Variants in TEKT5 observed in about 807,000 individuals in gnomAD.
TEKT5 encodes tektin-5.
Under a neutral mutation model 48.7 loss-of-function variants are expected in TEKT5, and 52 were observed. That is an observed-to-expected ratio of 1.07 (90% confidence interval 0.86 to 1.35). The LOEUF (loss-of-function observed/expected upper bound fraction) is 1.35, where lower values mean the gene tolerates loss of function less well. Ranked by LOEUF, TEKT5 falls within the 40% of genes most tolerant of loss-of-function variation. The pLI, the probability that TEKT5 is intolerant of heterozygous loss-of-function variation, is 0.00. For missense variants in TEKT5, 831 were observed against 641.6 expected, an observed-to-expected ratio of 1.30 and a Z score of -3.19; for synonymous variants, 318 against 267.6, an observed-to-expected ratio of 1.19 and a Z score of -1.84.
intron 6 of TEKT5, among the ~76,000 whole-genome samples, chr16:10,629,020 C>G (rs899432559): frequency 6.6e-6 from 1 of 152,086 alleles, no homozygotes; most frequent in East Asian, 1.9e-4. Context: ...TATTGCGTGA[C>G]TGCATGCACA....
At position 10,682,100 on chromosome 16, in the gene TEKT5, G is replaced by A. The variant is rs1898765352; in HGVS notation, c.756C>T (p.Asp252=). 4 of 1,614,138 alleles carry A rather than the reference G, an allele frequency of 2.5e-6. No homozygotes were observed. Among genetic ancestry groups the A allele is most frequent in the South Asian group, 1.1e-5 (1 of 91,088 alleles). The change falls in exon 4 of 7, where the codon GAC becomes GAT. Residue 252 remains aspartate, a synonymous_variant. Coordinates refer to ENST00000283025, the MANE Select transcript of TEKT5 (RefSeq NM_144674.2). Reference sequence around the variant, plus strand: ...ACTGGGCCGAGCTTTTGTCTTCGAGGTCCCTCTCCAGCACGTGCTGAGCAT... The same window carrying A: ...ACTGGGCCGAGCTTTTGTCTTCGAGATCCCTCTCCAGCACGTGCTGAGCAT... ...NRDAQHVLER[D]LEDKSSAQCI...
Position 10,663,239 on chromosome 16 carries a change from A to G in TEKT5, c.1086+12720T>C, listed in dbSNP as rs896259676. 2.0e-5 allele frequency among the ~76,000 whole-genome samples: 3 copies of G among 152,336 alleles called. No individual in the cohort carries two copies. The East Asian group carries it at 5.8e-4, about 29-fold the overall frequency. Reference sequence around the variant, plus strand: ...ACCCAACAGCTCTGAAAGCAGAGATATGTTTGGCAGGGTTGTTCACCATGT... The same window carrying G: ...ACCCAACAGCTCTGAAAGCAGAGATGTGTTTGGCAGGGTTGTTCACCATGT... On this transcript the variant is annotated intron_variant, in intron 5 of 6. Transcript: ENST00000283025.
intron 6 of TEKT5, among the ~76,000 whole-genome samples, chr16:10,633,692 G>A (rs1432944314): frequency 6.6e-6 from 1 of 152,246 alleles, no homozygotes; most frequent in East Asian, 1.9e-4. Context: ...ACAGGTACAT[G>A]TCACGATGCC....
Position 10,689,945 on chromosome 16 carries a change from G to C in TEKT5, c.645C>G (p.Ile215Met). Residue 215 changes from isoleucine to methionine, a missense_variant, in exon 2 of 7, where the codon ATC becomes ATG. Coordinates refer to ENST00000283025, the MANE Select transcript of TEKT5 (RefSeq NM_144674.2). ...LVHDNVEKNL[I>M]REVDLLKCCQ... ...GCAGAACCAGGAGATGCCTTACCCGGATAAGGTTTTTCTCCACGTTGTCAT... is the reference window on the plus strand; with the variant it reads ...GCAGAACCAGGAGATGCCTTACCCGCATAAGGTTTTTCTCCACGTTGTCAT... 2 of 1,613,912 alleles carry C rather than the reference G, an allele frequency of 1.2e-6. No homozygotes were observed. Among genetic ancestry groups the C allele is most frequent in the Non-Finnish European group, 1.7e-6 (2 of 1,179,980 alleles).
intron 5 of TEKT5, among the ~76,000 whole-genome samples, chr16:10,655,131 TGAG>T (rs966032313): frequency 2.6e-5 from 4 of 152,118 alleles, no homozygotes; most frequent in Non-Finnish European, 5.9e-5. Context: ...AAAAAACAAT[TGAG>T]GACTACATTT....
In TEKT5 at chr16:10,627,704, G is replaced by C; in HGVS notation, c.1337C>G (p.Thr446Ser). 1 of 1,614,222 alleles carries C rather than the reference G, an allele frequency of 6.2e-7. No individual in the cohort carries two copies. Among genetic ancestry groups the C allele is most frequent in the Non-Finnish European group, 8.5e-7 (1 of 1,180,040 alleles). Residue 446 changes from threonine (T) to serine (S), a missense_variant, in exon 7 of 7, where the codon ACC becomes AGC. By Grantham distance (58) the Thr-to-Ser change is moderately conservative. Coordinates refer to ENST00000283025, the MANE Select transcript of TEKT5 (RefSeq NM_144674.2). ...GAGCTCGTGCTCCAGCCGGCACTTGGTCATGACCAGCAGCTGCAGCGTGTC... is the reference window on the plus strand; with the variant it reads ...GAGCTCGTGCTCCAGCCGGCACTTGCTCATGACCAGCAGCTGCAGCGTGTC... ...TQDTLQLLVMTKCRLEHELAI... is the reference protein window; with the variant it reads ...TQDTLQLLVMSKCRLEHELAI...
At chr16:10,633,583 C>T (rs1458865679) in intron 6 of TEKT5, among the ~76,000 whole-genome samples, 1 of 152,144 alleles carries the variant, frequency 6.6e-6, no homozygotes. Context: ...TGCTCTGTTG[C>T]CCAGGATGGA....
intron 5 of TEKT5, among the ~76,000 whole-genome samples, chr16:10,661,828 T>A (rs1374784264): frequency 1.3e-5 from 2 of 152,100 alleles, no homozygotes; most frequent in Non-Finnish European, 2.9e-5. Context: ...TGAGCCTCAG[T>A]TTCCCCATGT....
chr16:10,689,401 C>T (rs940226655), intron 2 of TEKT5, 78 bp from the exon 3 acceptor site: 7 of 1,277,378 alleles, frequency 5.5e-6, no homozygotes, highest in South Asian at 1.3e-5. Flanking sequence ...GCCCTCAGCT[C>T]TCCCCTCCCC....
intron 5 of TEKT5, among the ~76,000 whole-genome samples, chr16:10,642,123 C>T (rs1305247320): frequency 2.0e-5 from 3 of 152,240 alleles, no homozygotes; most frequent in African/African-American, 7.2e-5. Context: ...AGTATGAGTA[C>T]ATGACACATG....
At chr16:10,641,991 C>T (rs74009804) in intron 5 of TEKT5, among the ~76,000 whole-genome samples, 14,001 of 152,308 alleles carry the variant, frequency 0.092, 971 homozygotes, top group African/African-American at 0.19. Flanking sequence ...CTTGAAATCT[C>T]TCTTCCTGTT....
intron 1 of TEKT5, chr16:10,690,761 C>G: frequency 1.0e-6 from 1 of 985,364 alleles, no homozygotes; most frequent in Non-Finnish European, 1.2e-6. Flanking sequence ...CAGGGGCGCT[C>G]TATGATGGGA....
In TEKT5 at chr16:10,656,962, C is replaced by T. The variant is rs567090539; in HGVS notation, c.1086+18997G>A. Among the ~76,000 whole-genome samples, 16 of 152,172 alleles carry T rather than the reference C, an allele frequency of 1.1e-4. No homozygotes were observed. In the South Asian group the frequency reaches 3.1e-3, roughly 30 times the overall value. On this transcript the variant is annotated intron_variant, in intron 5 of 6. Coordinates refer to ENST00000283025, the MANE Select transcript of TEKT5 (RefSeq NM_144674.2). The stretch of plus-strand genomic sequence containing the variant: ...CTAGATTGCCCAAGCTGGTCTTGAA[C>T]TCCTGGGCTCAAGTGATCCTCCCAC...
intron 5 of TEKT5, among the ~76,000 whole-genome samples, chr16:10,656,763 C>T (rs1010621003): frequency 1.3e-5 from 2 of 152,170 alleles, no homozygotes; most frequent in African/African-American, 4.8e-5. Context: ...GTTTTTGAAA[C>T]AGGGTCTTGC....
At chr16:10,633,007 G>C (rs1049775067) in intron 6 of TEKT5, among the ~76,000 whole-genome samples, 1 of 152,148 alleles carries the variant, frequency 6.6e-6, no homozygotes, top group African/African-American at 2.4e-5. Context: ...GGAAGGCAGA[G>C]AGCTTGCCCC....
chr16:10,636,048 G>A (rs1897909046), intron 5 of TEKT5, 130 bp from the exon 6 acceptor site: 10 of 1,404,938 alleles, frequency 7.1e-6, no homozygotes, highest in Non-Finnish European at 2.9e-6. Context: ...CCCCGGCCTT[G>A]AGCACCTTTA....
intron 5 of TEKT5, among the ~76,000 whole-genome samples, chr16:10,669,989 G>C (rs1274075779): frequency 6.6e-6 from 1 of 152,178 alleles, no homozygotes; most frequent in African/African-American, 2.4e-5. Context: ...TATGAGGCTT[G>C]GGGTGTGGCC....
At position 10,675,984 on chromosome 16, in the gene TEKT5, T is replaced by C. The variant is rs1215064132; in HGVS notation, c.1061A>G (p.Asn354Ser). Residue 354 changes from asparagine to serine, a missense_variant, in exon 5 of 7, where the codon AAT becomes AGT. Physicochemically the swap from Asn to Ser is conservative, Grantham distance 46 (BLOSUM62 1). Transcript: ENST00000283025. ...CTTCGCCAGCTGCGTCTGCAGCTTA[T>C]TCTTCACATCCGTCACCTCAGAGAT... ...ARISEVTDVK[N>S]KLQTQLAKTL... The C allele has an allele frequency of 1.2e-6, 2 of 1,614,218 alleles. No homozygotes were observed. Among genetic ancestry groups the C allele is most frequent in the African/African-American group, 2.7e-5 (2 of 75,066 alleles).
intron 5 of TEKT5, among the ~76,000 whole-genome samples, chr16:10,651,996 C>T (rs549804087): frequency 6.6e-6 from 1 of 152,088 alleles, no homozygotes; most frequent in Non-Finnish European, 1.5e-5. Flanking sequence ...TAAGCATTGG[C>T]ACCAGACTAT....
Sources: gnomAD v4.1 joint callset for allele counts (sites outside exome capture counted in the v4.1 genomes callset) on GRCh38, gnomAD v4.1.1 for gene constraint, MANE v1.5 for transcripts, NCBI Gene and HGNC (gene_info 2026-07-23, HGNC 2026-07-21) for gene names.